SPDYE1: variants seen among roughly 807,000 people sequenced by gnomAD.
SPDYE1 encodes speedy/RINGO cell cycle regulator family member E1, also known as speedy protein E1.
Under a neutral mutation model 45.9 loss-of-function variants are expected in SPDYE1, and 29 were observed. The observed-to-expected ratio is 0.63, with a 90% CI of 0.47 to 0.86. The LOEUF (loss-of-function observed/expected upper bound fraction) is 0.86. Ranked by LOEUF, SPDYE1 falls within the 40% of genes least tolerant of loss-of-function variation. SPDYE1 has a pLI of 0.00. For missense variants in SPDYE1, 346 were observed against 481.4 expected, an observed-to-expected ratio of 0.72 and a Z score of 2.63; for synonymous variants, 134 against 176.8, an observed-to-expected ratio of 0.76 and a Z score of 1.92.
At chr7:44,006,619 T>C (rs575150930) in intron 6 of SPDYE1, among the ~76,000 whole-genome samples, 9 of 152,010 alleles carry the variant, frequency 5.9e-5, no homozygotes, top group Admixed American at 4.6e-4. Flanking sequence ...AGTTTGTTTG[T>C]TTGTTTGTTT....
At chr7:44,005,884 G>A (rs888967821) in intron 6 of SPDYE1, among the ~76,000 whole-genome samples, 14 of 151,930 alleles carry the variant, frequency 9.2e-5, no homozygotes, top group Admixed American at 2.6e-4. Context: ...GACCTCCTCT[G>A]GGTTCCCATG....
chr7:44,005,322 T>C (rs1330186756), intron 6 of SPDYE1, 95 bp downstream of exon 6: 8 of 1,452,130 alleles, frequency 5.5e-6, no homozygotes, highest in South Asian at 2.3e-5. Context: ...TTTCACCTAT[T>C]TGTCCTCTTT....
intron 3 of SPDYE1, among the ~76,000 whole-genome samples, chr7:44,002,340 AG>A (rs1334971193): frequency 7.6e-6 from 1 of 131,114 alleles, no homozygotes; most frequent in Non-Finnish European, 1.6e-5. Flanking sequence ...AAAAAAAAAA[AG>A]GGACTCAGAG....
In SPDYE1 at chr7:44,007,211, C is replaced by T. The variant is rs372141738; in HGVS notation, c.753-57C>T. 18 of 1,612,032 alleles carry T rather than the reference C, an allele frequency of 1.1e-5. No homozygotes were observed. The East Asian group carries it at 2.0e-4, about 18-fold the overall frequency. On this transcript the variant is annotated intron_variant, in intron 6 of 8. Coordinates refer to ENST00000693451, the MANE Select transcript of SPDYE1 (RefSeq NM_001378423.2). ...ACCTTCCTCTCTGGGAAGCTGACCT[C>T]AGCCGGAGGTCTCTCCTGGTGGTGC... is the stretch of plus-strand genomic sequence containing the variant.
At chr7:44,005,939 T>C (rs2096070657) in intron 6 of SPDYE1, among the ~76,000 whole-genome samples, 1 of 152,076 alleles carries the variant, frequency 6.6e-6, no homozygotes, top group Non-Finnish European at 1.5e-5. Context: ...TCGAATCCAC[T>C]GTCAAATGCT....
Position 44,007,471 on chromosome 7 carries a change from T to C in SPDYE1, c.956T>C (p.Met319Thr), listed in dbSNP as rs1450077560. Residue 319 changes from methionine to threonine, a missense_variant, in exon 7 of 9, where the codon ATG (methionine) becomes ACG (threonine). Coordinates refer to ENST00000693451, the MANE Select transcript of SPDYE1 (RefSeq NM_001378423.2). ...RKRRFQLRRC[M>T]NPRARKNRSQ... ...CGTCGGTTCCAGTTACGCCGTTGCATGAACCCGAGGGCCAGGAAGAACCGC... is the reference window on the plus strand; with the variant it reads ...CGTCGGTTCCAGTTACGCCGTTGCACGAACCCGAGGGCCAGGAAGAACCGC... 1 of 1,613,096 alleles carries C rather than the reference T, an allele frequency of 6.2e-7. No homozygotes were observed. The highest frequency in any genetic ancestry group is 8.5e-7 in the Non-Finnish European group (1 of 1,179,596).
At chr7:44,008,446 C>G (rs2096074791) in intron 8 of SPDYE1, among the ~76,000 whole-genome samples, 1 of 152,220 alleles carries the variant, frequency 6.6e-6, no homozygotes, top group Admixed American at 6.5e-5. Flanking sequence ...ATCACTGGGG[C>G]TGACCTTGGG....
chr7:44,005,147 C>T lies in SPDYE1; in HGVS notation c.672C>T (p.Leu224=). ...DKDLRVSDKY[L]LAMVIAYFSR... is the part of the protein sequence containing the mutation. The stretch of plus-strand genomic sequence containing the variant: ...TGTTCCTTTCTCTCCATCAGTATCT[C>T]CTTGCTATGGTCATAGCGTATTTCA... Residue 224 remains leucine, a synonymous_variant, in exon 6 of 9, where the codon CTC becomes CTT. Transcript: ENST00000693451. 1 of 1,611,978 alleles carries T rather than the reference C, an allele frequency of 6.2e-7. No homozygotes were observed. Among genetic ancestry groups the T allele is most frequent in the Non-Finnish European group, 8.5e-7 (1 of 1,179,832 alleles).
intron 3 of SPDYE1, among the ~76,000 whole-genome samples, chr7:44,002,038 G>A (rs187527249): frequency 9.1e-4 from 138 of 151,656 alleles, no homozygotes; most frequent in Non-Finnish European, 1.5e-3. Flanking sequence ...GCAGGGTTCA[G>A]TGGCTCACAC....
intron 3 of SPDYE1, 143 bp downstream of exon 3, chr7:44,001,427 T>G: frequency 6.6e-7 from 1 of 1,520,698 alleles, no homozygotes. Context: ...TGATCACTCA[T>G]GAGGGACACT....
At chr7:44,007,852 G>C in intron 8 of SPDYE1, 39 bp downstream of exon 8, 1 of 1,590,454 alleles carries the variant, frequency 6.3e-7, no homozygotes. Context: ...AGAATATTGG[G>C]GTCTATTTCG....
In SPDYE1 at chr7:44,009,616, A is replaced by T. The variant is rs1355693419; in HGVS notation, c.*995A>T. 6.7e-6 allele frequency: 1 copy of T among 148,450 alleles called. No individual in the cohort carries two copies. Among genetic ancestry groups the T allele is most frequent in the East Asian group, 1.9e-4 (1 of 5,162 alleles). 9.2% of individuals were successfully genotyped at this position (148,450 alleles called of 1,614,324 possible). A position where few individuals can be genotyped will look rare whatever the true frequency, so the allele number is the denominator to read the frequency against. ...TTATTTATTTAAATATTTATTAAAT[A>T]TATTTATTTATTTAAATGTTATTAT... is the stretch of plus-strand genomic sequence containing the variant. On this transcript the variant is annotated 3_prime_UTR_variant, in exon 9 of 9. Coordinates refer to ENST00000693451, the MANE Select transcript of SPDYE1 (RefSeq NM_001378423.2).
chr7:44,000,578 G>A (rs1477005948), intron 2 of SPDYE1, among the ~76,000 whole-genome samples: 1 of 151,682 alleles, frequency 6.6e-6, no homozygotes, highest in African/African-American at 2.4e-5. Context: ...GATCACTTGA[G>A]GCCAGGAGTT....
intron 6 of SPDYE1, 30 bp from the exon 7 acceptor site, chr7:44,007,238 C>T: frequency 6.2e-7 from 1 of 1,612,194 alleles, no homozygotes; most frequent in Non-Finnish European, 8.5e-7. Flanking sequence ...TGGTGGTGCC[C>T]CTGAGCAGCA....
chr7:44,007,957 T>C lies in SPDYE1; in HGVS notation c.*45+144T>C, dbSNP rs1042518982. Reference sequence around the variant, plus strand: ...AAAAATACAAAAATTAGCCAGGCAATGTGGGACGCATCTCTACTCCCAACT... The same window carrying C: ...AAAAATACAAAAATTAGCCAGGCAACGTGGGACGCATCTCTACTCCCAACT... On this transcript the variant is annotated intron_variant, in intron 8 of 8. Transcript: ENST00000693451. 10 of 1,507,476 alleles carry C rather than the reference T, an allele frequency of 6.6e-6. No homozygotes were observed. The African/African-American group carries it at 6.9e-5, about 10-fold the overall frequency. 93.4% of individuals were successfully genotyped at this position (1,507,476 alleles called of 1,614,324 possible).
chr7:44,005,252 C>A (rs376998942), intron 6 of SPDYE1, 25 bp downstream of exon 6: 17 of 1,611,362 alleles, frequency 1.1e-5, no homozygotes, highest in Non-Finnish European at 1.4e-5. Flanking sequence ...GCCTCCTATC[C>A]GTCAATATCC....
In SPDYE1 at chr7:44,009,286, TTC is replaced by T. The variant is rs1304785828; in HGVS notation, c.*667_*668del. 1 of 150,490 alleles carries T rather than the reference TTC, an allele frequency of 6.6e-6. No individual in the cohort carries two copies. Among genetic ancestry groups the T allele is most frequent in the Non-Finnish European group, 1.5e-5 (1 of 68,660 alleles). The allele number at this position is 150,490 out of a possible 1,614,324, so 9.3% of individuals were successfully genotyped here. On this transcript the variant is annotated 3_prime_UTR_variant, in exon 9 of 9. Transcript: ENST00000693451. ...AATTTTCTTTTCATTTTTGAGACAA[TTC>T]TTTTTATCCTAAATATTTTATCATC...
chr7:44,001,426 A>AT, intron 3 of SPDYE1, 142 bp downstream of exon 3: 1 of 1,521,262 alleles, frequency 6.6e-7, no homozygotes, highest in South Asian at 1.2e-5. Context: ...GTGATCACTC[A>AT]TGAGGGACAC....
At position 44,006,585 on chromosome 7, in the gene SPDYE1, A is replaced by G. The variant is rs1585939850; in HGVS notation, c.753-683A>G. On this transcript the variant is annotated intron_variant, in intron 6 of 8. Transcript: ENST00000693451. ...CAGCTTCTTTATTAGCTCCGACTACAGGGCTGTGCCACCACACCTGGACAG... is the reference window on the plus strand; with the variant it reads ...CAGCTTCTTTATTAGCTCCGACTACGGGGCTGTGCCACCACACCTGGACAG... 3.3e-5 allele frequency among the ~76,000 whole-genome samples: 5 copies of G among 151,850 alleles called. No individual in the cohort carries two copies. The East Asian group carries it at 9.7e-4, about 29-fold the overall frequency.
Sources: gnomAD v4.1 joint callset for allele counts (sites outside exome capture counted in the v4.1 genomes callset) on GRCh38, gnomAD v4.1.1 for gene constraint, MANE v1.5 for transcripts, NCBI Gene and HGNC (gene_info 2026-07-23, HGNC 2026-07-21) for gene names.